The following PTPRD variants were observed in gnomAD, a reference collection of about 807,000 sequenced individuals.
PTPRD encodes the protein receptor-type tyrosine-protein phosphatase delta.
In PTPRD, 34 loss-of-function variants were observed where a neutral mutation model predicts 214.5. The ratio of observed to expected loss-of-function variants is 0.16; its 90% CI spans 0.12 to 0.21. The LOEUF (loss-of-function observed/expected upper bound fraction) is 0.21. Ranked by LOEUF, PTPRD falls within the 10% of genes least tolerant of loss-of-function variation. The pLI is 1.00. For missense variants in PTPRD, 2,545 were observed against 2,398.7 expected, an observed-to-expected ratio of 1.06 and a Z score of -1.27; for synonymous variants, 1,128 against 845.7, an observed-to-expected ratio of 1.33 and a Z score of -5.79.
chr9:9,706,022 T>A (rs932065308), intron 7 of PTPRD, among the ~76,000 whole-genome samples: 8 of 152,272 alleles, frequency 5.3e-5, no homozygotes, highest in Non-Finnish European at 8.8e-5. Flanking sequence ...CATGATAATA[T>A]CTTCTTGCAA....
chr9:10,377,082 T>C (rs146312312), intron 2 of PTPRD, among the ~76,000 whole-genome samples: 2,671 of 151,874 alleles, frequency 0.018, 38 homozygotes, highest in Middle Eastern at 0.041. Flanking sequence ...CTGGTAACCA[T>C]CCTTCTACTA....
intron 36 of PTPRD, among the ~76,000 whole-genome samples, chr9:8,397,845 T>C (rs2091553633): frequency 6.6e-6 from 1 of 152,192 alleles, no homozygotes. Flanking sequence ...AATCAAGTTA[T>C]TGTAACATCA....
chr9:8,758,526 A>G (rs2094177055), intron 11 of PTPRD, among the ~76,000 whole-genome samples: 1 of 152,210 alleles, frequency 6.6e-6, no homozygotes, highest in Non-Finnish European at 1.5e-5. Flanking sequence ...AAAACAGCCT[A>G]GAGAAATGCT....
chr9:8,759,034 T>TTTG (rs1267900496), intron 11 of PTPRD, among the ~76,000 whole-genome samples: 2 of 146,858 alleles, frequency 1.4e-5, no homozygotes, highest in African/African-American at 2.5e-5. Context: ...GGTTTTGGGT[T>TTTG]TTTTTTTTTT....
chr9:8,756,769 T>A (rs904703537), intron 11 of PTPRD, among the ~76,000 whole-genome samples: 2 of 151,960 alleles, frequency 1.3e-5, no homozygotes, highest in African/African-American at 4.8e-5. Flanking sequence ...AGGGAAAAAA[T>A]AATTAAAAAA....
chr9:9,413,712 G>A (rs866496913), intron 8 of PTPRD, among the ~76,000 whole-genome samples: 1 of 152,148 alleles, frequency 6.6e-6, no homozygotes, highest in Non-Finnish European at 1.5e-5. Flanking sequence ...AATACATAAA[G>A]TTTCTTTAAG....
intron 39 of PTPRD, among the ~76,000 whole-genome samples, chr9:8,343,245 G>A (rs756648004): frequency 1.2e-4 from 18 of 152,000 alleles, no homozygotes; most frequent in Non-Finnish European, 2.5e-4. Flanking sequence ...TACAGACTGG[G>A]CTAACTAGCT....
At chr9:10,219,532 G>C (rs996465511) in intron 3 of PTPRD, among the ~76,000 whole-genome samples, 9 of 151,816 alleles carry the variant, frequency 5.9e-5, no homozygotes, top group Non-Finnish European at 1.0e-4. Flanking sequence ...CATTTGTGTA[G>C]AGTTAACTCC....
intron 14 of PTPRD, among the ~76,000 whole-genome samples, chr9:8,630,131 G>A (rs2096203935): frequency 6.6e-6 from 1 of 151,756 alleles, no homozygotes; most frequent in Non-Finnish European, 1.5e-5. Flanking sequence ...CATGAGAGCT[G>A]GCACATTTTT....
At position 8,596,689 on chromosome 9, in the gene PTPRD, T is replaced by C. The variant is rs562609764; in HGVS notation, c.352+36628A>G. On this transcript the variant is annotated intron_variant, in intron 14 of 45. Transcript: ENST00000381196. ...TACAATATATACAATAGTACTAATA[T>C]ATTTAGACACATAAACTACATTTAA... is the stretch of plus-strand genomic sequence containing the variant. Among the ~76,000 whole-genome samples the C allele has an allele frequency of 3.9e-5, 6 of 152,246 alleles. No individual in the cohort carries two copies. In the South Asian group the frequency reaches 6.2e-4, roughly 16 times the overall value.
At chr9:10,044,572 T>C (rs1025793070) in intron 3 of PTPRD, among the ~76,000 whole-genome samples, 2 of 151,832 alleles carry the variant, frequency 1.3e-5, no homozygotes, top group Non-Finnish European at 3.0e-5. Flanking sequence ...TTTGCTCTCA[T>C]TTTTCATTTC....
chr9:9,724,916 C>G (rs2098050867), intron 7 of PTPRD, among the ~76,000 whole-genome samples: 1 of 152,070 alleles, frequency 6.6e-6, no homozygotes, highest in Admixed American at 6.6e-5. Flanking sequence ...CAATGAAGAT[C>G]AATGGCAGAG....
chr9:9,474,647 C>T lies in PTPRD; in HGVS notation c.-236-77165G>A, dbSNP rs77978354. ...AGTGTCCTGTGATTTTCATTGTAGA[C>T]ATATTTTGCTTCATTAGTTAAATCT... On this transcript the variant is annotated intron_variant, in intron 8 of 45. Coordinates refer to ENST00000381196, the MANE Select transcript of PTPRD (RefSeq NM_002839.4). Among the ~76,000 whole-genome samples, 1,074 of 151,034 alleles carry T rather than the reference C, an allele frequency of 7.1e-3. 18 individuals are homozygous for T. The highest frequency in any genetic ancestry group is 0.024 in the African/African-American group (999 of 41,234).
chr9:10,008,631 T>A (rs2096536700), intron 4 of PTPRD, among the ~76,000 whole-genome samples: 1 of 151,780 alleles, frequency 6.6e-6, no homozygotes, highest in South Asian at 2.1e-4. Flanking sequence ...TAAATTCCTG[T>A]CTCATCCTTC....
intron 3 of PTPRD, among the ~76,000 whole-genome samples, chr9:10,217,261 A>G (rs1282283630): frequency 6.6e-6 from 1 of 151,704 alleles, no homozygotes; most frequent in African/African-American, 2.4e-5. Context: ...ATTACATTTT[A>G]TTGGCCTCTT....
In PTPRD at chr9:10,113,120, G is replaced by A. The variant is rs113301806; in HGVS notation, c.-544-79330C>T. On this transcript the variant is annotated intron_variant, in intron 3 of 45. Transcript: ENST00000381196. ...TTTTATCAAGCCAGCTTTGTCAGCA[G>A]CGTTTTGAGAGGATGCAAGTATAAA... 7.7e-3 allele frequency among the ~76,000 whole-genome samples: 1,169 copies of A among 152,282 alleles called. 24 individuals are homozygous for A. Among genetic ancestry groups the A allele is most frequent in the African/African-American group, 0.027 (1,110 of 41,560 alleles).
intron 2 of PTPRD, among the ~76,000 whole-genome samples, chr9:10,442,889 A>C (rs2098770183): frequency 6.6e-6 from 1 of 151,522 alleles, no homozygotes; most frequent in African/African-American, 2.4e-5. Flanking sequence ...GTTTCTTGAA[A>C]AACTGACAAA....
At chr9:8,736,479 G>C (rs1281528555) in intron 11 of PTPRD, among the ~76,000 whole-genome samples, 1 of 152,058 alleles carries the variant, frequency 6.6e-6, no homozygotes, top group African/African-American at 2.4e-5. Flanking sequence ...GGAAATACTA[G>C]AGATATCCAG....
intron 8 of PTPRD, among the ~76,000 whole-genome samples, chr9:9,403,841 A>T (rs1387021173): frequency 5.9e-5 from 9 of 152,078 alleles, no homozygotes; most frequent in Non-Finnish European, 1.0e-4. Context: ...GAGAAAGACC[A>T]TACACAGCTA....
Sources: gnomAD v4.1 joint callset for allele counts (sites outside exome capture counted in the v4.1 genomes callset) on GRCh38, gnomAD v4.1.1 for gene constraint, MANE v1.5 for transcripts, NCBI Gene and HGNC (gene_info 2026-07-23, HGNC 2026-07-21) for gene names.